Variants in MSR1 observed in about 807,000 individuals in gnomAD.
MSR1 encodes macrophage scavenger receptor types I and II.
Under a neutral mutation model 47.2 loss-of-function variants are expected in MSR1, and 53 were observed. The observed-to-expected ratio is 1.12, with a 90% CI of 0.90 to 1.41. The LOEUF (loss-of-function observed/expected upper bound fraction) is 1.41. MSR1 is among the 40% of genes most tolerant of loss of function. The pLI is 0.00. For missense variants in MSR1, 786 were observed against 546.9 expected (o/e 1.44, Z -4.36); for synonymous variants, 239 against 185.6 (o/e 1.29, Z -2.34).
chr8:16,170,967 A>G (rs1286477147), intron 3 of MSR1, among the ~76,000 whole-genome samples: 1 of 152,116 alleles, frequency 6.6e-6, no homozygotes, highest in African/African-American at 2.4e-5. Context: ...AGTCCACCGT[A>G]TTTACTACCT....
At chr8:16,121,298 C>T in intron 8 of MSR1, 1 of 263,502 alleles carries the variant, frequency 3.8e-6, no homozygotes, top group South Asian at 3.9e-5. Context: ...AAGAAATAAA[C>T]TTTGTTTATA....
intron 8 of MSR1, among the ~76,000 whole-genome samples, chr8:16,132,135 C>A (rs1041190585): frequency 6.6e-6 from 1 of 151,734 alleles, no homozygotes; most frequent in African/African-American, 2.4e-5. Context: ...GAATGTTTTT[C>A]TATTTTTTTG....
chr8:16,128,974 T>C (rs1181269542), intron 8 of MSR1, among the ~76,000 whole-genome samples: 1 of 152,178 alleles, frequency 6.6e-6, no homozygotes, highest in Non-Finnish European at 1.5e-5. Flanking sequence ...GCAGGTAATG[T>C]ACTGGGTAAC....
intron 3 of MSR1, among the ~76,000 whole-genome samples, chr8:16,173,495 G>C (rs1585186493): frequency 6.6e-6 from 1 of 152,170 alleles, no homozygotes; most frequent in African/African-American, 2.4e-5. Flanking sequence ...CCAGGAAATT[G>C]TTTAATGCCA....
At chr8:16,177,016 T>A (rs1169473693) in intron 2 of MSR1, among the ~76,000 whole-genome samples, 1 of 152,172 alleles carries the variant, frequency 6.6e-6, no homozygotes, top group Non-Finnish European at 1.5e-5. Flanking sequence ...TGTATTTATA[T>A]TTTGAGGTTT....
chr8:16,188,963 CAT>C (rs199860327), intron 1 of MSR1, among the ~76,000 whole-genome samples: 16,347 of 86,792 alleles, frequency 0.19, 1,411 homozygotes, highest in Admixed American at 0.34. Flanking sequence ...ATTCAACACA[CAT>C]ACATATATAT....
chr8:16,190,313 A>G (rs1212630116), intron 1 of MSR1, among the ~76,000 whole-genome samples: 1 of 152,210 alleles, frequency 6.6e-6, no homozygotes, highest in Non-Finnish European at 1.5e-5. Context: ...CTACTGTCTT[A>G]GTGATCTTTA....
rs60866666 is a variant in MSR1 at position 16,120,616 on chromosome 8, TA to T, written c.1034-11del. The T allele has an allele frequency of 0.15, 171,972 of 1,147,926 alleles. 2,748 individuals carry two copies. Among genetic ancestry groups the T allele is most frequent in the Non-Finnish European group, 0.16 (142,250 of 905,528 alleles). The allele number at this position is 1,147,926 out of a possible 1,614,324, so 71.1% of individuals were successfully genotyped here. The stretch of plus-strand genomic sequence containing the variant: ...ACTTTCGTAAATGGAGCTGTAAAGT[TA>T]AAAAAAAAAAAAAAAAAAAAAAAAG... On this transcript the variant is annotated splice_polypyrimidine_tract_variant and intron_variant, in intron 8 of 9. Coordinates refer to ENST00000262101, the MANE Select transcript of MSR1 (RefSeq NM_138715.3).
intron 3 of MSR1, among the ~76,000 whole-genome samples, chr8:16,169,910 A>G (rs1563163971): frequency 6.6e-6 from 1 of 152,156 alleles, no homozygotes; most frequent in Non-Finnish European, 1.5e-5. Flanking sequence ...ATATTCTAAA[A>G]TAGTATTTTA....
intron 1 of MSR1, among the ~76,000 whole-genome samples, chr8:16,189,385 AATCT>A (rs1802105132): frequency 1.0e-5 from 1 of 97,450 alleles, no homozygotes; most frequent in South Asian, 3.1e-4. Flanking sequence ...ATATATATAA[AATCT>A]TATTTTATAT....
chr8:16,138,821 A>AT (rs1800454941), intron 8 of MSR1, among the ~76,000 whole-genome samples: 1 of 152,194 alleles, frequency 6.6e-6, no homozygotes, highest in Admixed American at 6.5e-5. Flanking sequence ...TATCTGAACA[A>AT]GTGGCTAATT....
intron 8 of MSR1, among the ~76,000 whole-genome samples, chr8:16,137,519 A>G (rs1585150232): frequency 6.6e-6 from 1 of 152,108 alleles, no homozygotes; most frequent in African/African-American, 2.4e-5. Context: ...ATATATAAAA[A>G]TACATAATAC....
intron 1 of MSR1, among the ~76,000 whole-genome samples, chr8:16,185,992 A>T (rs1012652258): frequency 1.3e-5 from 2 of 152,162 alleles, no homozygotes; most frequent in Non-Finnish European, 2.9e-5. Flanking sequence ...GTCATGGAAA[A>T]GAACAAAGAA....
At chr8:16,131,334 A>AT (rs1186812418) in intron 8 of MSR1, among the ~76,000 whole-genome samples, 1 of 143,712 alleles carries the variant, frequency 7.0e-6, no homozygotes, top group Non-Finnish European at 1.5e-5. Flanking sequence ...TGTCAGGTTT[A>AT]TTTTTTGCTT....
At chr8:16,174,586 C>A (rs1801585671) in intron 3 of MSR1, among the ~76,000 whole-genome samples, 1 of 152,006 alleles carries the variant, frequency 6.6e-6, no homozygotes, top group South Asian at 2.1e-4. Flanking sequence ...TATATTTTTT[C>A]TTTGAGAAGA....
rs574930862 is a variant in MSR1 at position 16,110,866 on chromosome 8, AG to A, written c.1223-649del. ...AAACAGCAAGAAAATGACAAAGCAA[AG>A]GTTTTCCTGAGCTGATCAATTGTAA... On this transcript the variant is annotated intron_variant, in intron 9 of 9. Transcript: ENST00000262101. Among the ~76,000 whole-genome samples the A allele has an allele frequency of 3.3e-3, 498 of 152,282 alleles. 2 individuals are homozygous for A. Among genetic ancestry groups the A allele is most frequent in the African/African-American group, 0.011 (475 of 41,566 alleles).
intron 8 of MSR1, among the ~76,000 whole-genome samples, chr8:16,122,843 C>CTTTTTT (rs35560221): frequency 1.2e-3 from 79 of 65,598 alleles, no homozygotes; most frequent in South Asian, 4.9e-3. Flanking sequence ...TATTCAAATT[C>CTTTTTT]TTTTTTTTTT....
In MSR1 at chr8:16,175,247, G is replaced by A. The variant is rs753516872; in HGVS notation, c.157C>T (p.Leu53=). 1.9e-5 allele frequency: 31 copies of A among 1,613,978 alleles called. 1 individual carries two copies. In the South Asian group the frequency reaches 3.3e-4, roughly 17 times the overall value. ...QEKLKSFKAA[L]IALYLLVFAV... Reference sequence around the variant, plus strand: ...AACACGAGGAGGTAAAGGGCAATCAGTGCAGCTTTGAAGGACTTCAGTTTC... The same window carrying A: ...AACACGAGGAGGTAAAGGGCAATCAATGCAGCTTTGAAGGACTTCAGTTTC... Residue 53 remains leucine, a synonymous_variant, in exon 3 of 10, where the codon CTG becomes TTG. Transcript: ENST00000262101.
chr8:16,176,604 A>G (rs1284945279), intron 2 of MSR1, among the ~76,000 whole-genome samples: 1 of 152,152 alleles, frequency 6.6e-6, no homozygotes, highest in Admixed American at 6.5e-5. Context: ...AAGTGGAGAT[A>G]TAGTCCACCT....
Sources: gnomAD v4.1 joint callset for allele counts (sites outside exome capture counted in the v4.1 genomes callset) on GRCh38, gnomAD v4.1.1 for gene constraint, MANE v1.5 for transcripts, NCBI Gene and HGNC (gene_info 2026-07-23, HGNC 2026-07-21) for gene names.